HS6ST2: variants seen among roughly 807,000 people sequenced by gnomAD.
The protein encoded by HS6ST2 is heparan sulfate 6-O-sulfotransferase 2, also known as heparan-sulfate 6-O-sulfotransferase 2.
In HS6ST2, 17 loss-of-function variants were observed where a neutral mutation model predicts 33.0. The observed-to-expected ratio is 0.52, with a 90% CI of 0.35 to 0.77. The LOEUF is 0.77. HS6ST2 is among the 30% of genes least tolerant of loss of function. The probability of loss-of-function intolerance (pLI) is 0.01; values close to 1 mark genes in which losing one functional copy is unlikely to be tolerated. For missense variants in HS6ST2, 519 were observed against 551.7 expected (o/e 0.94, Z 0.59); for synonymous variants, 248 against 237.1 (o/e 1.05, Z -0.42).
intron 3 of HS6ST2, among the ~76,000 whole-genome samples, chrX:132,686,918 T>C (rs1244722863): frequency 1.8e-5 from 2 of 111,867 alleles, no homozygotes; most frequent in South Asian, 3.8e-4. Context: ...AAGATATATC[T>C]ATTATGTGTT....
intron 3 of HS6ST2, among the ~76,000 whole-genome samples, chrX:132,682,971 G>A (rs1341898015): frequency 5.5e-5 from 6 of 109,859 alleles, no homozygotes; most frequent in Admixed American, 4.9e-4. Flanking sequence ...AAAATGATCC[G>A]GGCATGGTGG....
intron 2 of HS6ST2, among the ~76,000 whole-genome samples, chrX:132,825,861 C>T (rs2065512615): frequency 8.9e-6 from 1 of 111,988 alleles, no homozygotes; most frequent in Non-Finnish European, 1.9e-5. Flanking sequence ...TATAGCCAAG[C>T]TAATCTACTC....
chrX:132,775,772 T>C (rs181544359), intron 2 of HS6ST2, among the ~76,000 whole-genome samples: 1 of 111,735 alleles, frequency 8.9e-6, no homozygotes, highest in East Asian at 2.8e-4. Flanking sequence ...TTAATAATTT[T>C]CAGATTAGTT....
intron 2 of HS6ST2, among the ~76,000 whole-genome samples, chrX:132,773,292 A>G (rs2064925929): frequency 9.4e-6 from 1 of 106,010 alleles, no homozygotes; most frequent in Non-Finnish European, 1.9e-5. Flanking sequence ...CATTAACATT[A>G]TAGGATGGTT....
At chrX:132,914,827 G>A (rs1482582020) in intron 2 of HS6ST2, among the ~76,000 whole-genome samples, 3 of 112,792 alleles carry the variant, frequency 2.7e-5, no homozygotes. Flanking sequence ...AAACAAGTTG[G>A]TAGGGTTTAT....
intron 2 of HS6ST2, among the ~76,000 whole-genome samples, chrX:132,752,199 T>A (rs1344192150): frequency 9.0e-6 from 1 of 111,381 alleles, no homozygotes; most frequent in Non-Finnish European, 1.9e-5. Flanking sequence ...AGGCCTGGCA[T>A]GGTGGCTCAT....
rs149056639 is a variant in HS6ST2, at chrX:132,784,691, C to T, written c.948-76197G>A. ...TAAAATGCTCAAGCATAATGCCTAA[C>T]ACACAATGGTTGTGAGCTAAACAAG... On this transcript the variant is annotated intron_variant, in intron 2 of 4. Transcript: ENST00000370833. Among the ~76,000 whole-genome samples, 60 of 111,706 alleles carry T rather than the reference C, an allele frequency of 5.4e-4. 1 individual carries two copies. The East Asian group carries it at 7.6e-3, about 14-fold the overall frequency.
At chrX:132,938,353 T>C (rs2066849811) in intron 2 of HS6ST2, among the ~76,000 whole-genome samples, 1 of 109,002 alleles carries the variant, frequency 9.2e-6, no homozygotes, top group Non-Finnish European at 1.9e-5. Context: ...TTAATAGTGA[T>C]AGACTGGGCA....
chrX:132,632,519 G>C (rs1202539892), intron 4 of HS6ST2, among the ~76,000 whole-genome samples: 1 of 110,491 alleles, frequency 9.1e-6, no homozygotes, highest in Non-Finnish European at 1.9e-5. Flanking sequence ...GGCAAACAGA[G>C]ACATGGCCAG....
chrX:132,909,947 C>A (rs1019555024), intron 2 of HS6ST2, among the ~76,000 whole-genome samples: 1 of 111,090 alleles, frequency 9.0e-6, no homozygotes, highest in African/African-American at 3.3e-5. Flanking sequence ...CAAGAATGAT[C>A]ATCACTTAAA....
intron 2 of HS6ST2, among the ~76,000 whole-genome samples, chrX:132,867,529 T>A (rs2066002605): frequency 8.9e-6 from 1 of 112,019 alleles, no homozygotes; most frequent in Non-Finnish European, 1.9e-5. Flanking sequence ...CTTTTTCTAC[T>A]GATTGGAATA....
rs901261132 is a variant in HS6ST2 at position 132,799,405 on chromosome X, T to C, written c.948-90911A>G. On this transcript the variant is annotated intron_variant, in intron 2 of 4. Coordinates refer to ENST00000370833, the MANE Select transcript of HS6ST2 (RefSeq NM_001394073.1). Reference sequence around the variant, plus strand: ...TTTTAATTATTTTGAGACAGGGTCTTGCCCTGTCATCCAGGCTGGAGTGCA... The same window carrying C: ...TTTTAATTATTTTGAGACAGGGTCTCGCCCTGTCATCCAGGCTGGAGTGCA... Among the ~76,000 whole-genome samples the C allele has an allele frequency of 1.8e-5, 2 of 108,617 alleles. 1 individual carries two copies. Among genetic ancestry groups the C allele is most frequent in the South Asian group, 8.3e-4 (2 of 2,407 alleles). 94.3% of individuals were successfully genotyped at this position (108,617 alleles called of 115,157 possible).
intron 2 of HS6ST2, among the ~76,000 whole-genome samples, chrX:132,720,876 A>T (rs1455592476): frequency 9.0e-6 from 1 of 111,475 alleles, no homozygotes; most frequent in Non-Finnish European, 1.9e-5. Context: ...CAGAAAGAGG[A>T]TATAATAATT....
chrX:132,844,957 G>A (rs763837455), intron 2 of HS6ST2, among the ~76,000 whole-genome samples: 1 of 109,067 alleles, frequency 9.2e-6, no homozygotes, highest in Non-Finnish European at 1.9e-5. Context: ...GAAAACTGGA[G>A]TTTTCCAGTG....
intron 2 of HS6ST2, among the ~76,000 whole-genome samples, chrX:132,763,550 C>T (rs1427071204): frequency 8.9e-6 from 1 of 112,399 alleles, no homozygotes; most frequent in Non-Finnish European, 1.9e-5. Flanking sequence ...CCCTCCATGT[C>T]CCACCCTGTT....
chrX:132,708,500 AAAGG>A lies in HS6ST2; in HGVS notation c.948-10_948-7del. Reference sequence around the variant, plus strand: ...GAATCTGAAAAATCCTCCACCTGTTAAAGGAACAGTAAAACCAGTCGCTAGCAAG... The same window carrying A: ...GAATCTGAAAAATCCTCCACCTGTTAAACAGTAAAACCAGTCGCTAGCAAG... On this transcript the variant is annotated splice_polypyrimidine_tract_variant and splice_region_variant and intron_variant, in intron 2 of 4. Coordinates refer to ENST00000370833, the MANE Select transcript of HS6ST2 (RefSeq NM_001394073.1). The A allele has an allele frequency of 8.5e-7, 1 of 1,180,574 alleles. No individual in the cohort carries two copies. The highest frequency in any genetic ancestry group is 1.1e-6 in the Non-Finnish European group (1 of 876,076).
intron 4 of HS6ST2, among the ~76,000 whole-genome samples, chrX:132,657,088 A>AG (rs888001687): frequency 1.6e-4 from 18 of 111,863 alleles, no homozygotes; most frequent in African/African-American, 5.5e-4. Context: ...AGGCATTTGC[A>AG]GGGGAGAGGG....
chrX:132,637,902 TA>T (rs1298680683), intron 4 of HS6ST2, among the ~76,000 whole-genome samples: 38 of 51,283 alleles, frequency 7.4e-4, no homozygotes, highest in Non-Finnish European at 8.9e-4. Flanking sequence ...TTATATATAA[TA>T]TTATATATAA....
intron 3 of HS6ST2, among the ~76,000 whole-genome samples, chrX:132,704,743 C>A (rs1483161142): frequency 2.7e-4 from 30 of 111,716 alleles, no homozygotes; most frequent in Admixed American, 2.2e-3. Flanking sequence ...AACAGAAATT[C>A]ACAGTTTATC....
Sources: allele counts gnomAD v4.1 joint callset (sites outside exome capture counted in the v4.1 genomes callset), GRCh38; gene constraint gnomAD v4.1.1; transcripts MANE v1.5; gene names NCBI Gene and HGNC (gene_info 2026-07-23, HGNC 2026-07-21).